CCNH: variants seen among roughly 807,000 people sequenced by gnomAD.
The protein encoded by CCNH is cyclin H.
CCNH carries 31 observed loss-of-function variants against 41.9 expected under a neutral mutation model. The ratio of observed to expected loss-of-function variants is 0.74; its 90% CI spans 0.56 to 1.00. The LOEUF (loss-of-function observed/expected upper bound fraction) is 1.00, where lower values mean the gene tolerates loss of function less well. CCNH is among the 50% of genes least tolerant of loss of function. The pLI is 0.00. For missense variants in CCNH, 362 were observed against 388.4 expected (o/e 0.93, Z 0.57); for synonymous variants, 138 against 136.1 (o/e 1.01, Z -0.10).
At chr5:87,355,222 A>G (rs1759561748) in intron 9 of CCNH, among the ~76,000 whole-genome samples, 1 of 152,206 alleles carries the variant, frequency 6.6e-6, no homozygotes. Context: ...AATATTATCT[A>G]GGACTTTCAT....
chr5:87,399,327 T>C, intron 7 of CCNH, 67 bp downstream of exon 7: 3 of 1,166,988 alleles, frequency 2.6e-6, no homozygotes, highest in Non-Finnish European at 3.8e-6. Flanking sequence ...ACCAATAAAA[T>C]GATTTACGAA....
At chr5:87,322,708 C>T (rs1756919682) in intron 9 of CCNH, among the ~76,000 whole-genome samples, 1 of 152,180 alleles carries the variant, frequency 6.6e-6, no homozygotes, top group South Asian at 2.1e-4. Flanking sequence ...TTACCAATTA[C>T]CCAGTCTCAA....
upstream of CCNH, among the ~76,000 whole-genome samples, chr5:87,379,022 G>C (rs1761524065): frequency 6.6e-6 from 1 of 152,114 alleles, no homozygotes; most frequent in Non-Finnish European, 1.5e-5. Context: ...AAGACAGTAA[G>C]TGGAATCTCA....
rs1761353822 is a variant in CCNH, at chr5:87,376,747, A to G, written n.434T>C. 6.6e-6 allele frequency: 8 copies of G among 1,213,508 alleles called. No homozygotes were observed. The South Asian group carries it at 7.2e-5, about 11-fold the overall frequency. 75.2% of individuals were successfully genotyped at this position (1,213,508 alleles called of 1,614,324 possible). ...AATAAGTAGACTACGAATTCATTCT[A>G]TTTTAAATAAATTTATTCAATGGGA... On this transcript the variant is annotated non_coding_transcript_exon_variant, in exon 1 of 1. Transcript: ENST00000607486.
downstream of CCNH, chr5:87,376,160 CA>C: frequency 1.8e-6 from 1 of 562,272 alleles, no homozygotes; most frequent in African/African-American, 1.9e-5. Flanking sequence ...GACCTCTATG[CA>C]ACTCAAAGAA....
chr5:87,316,336 A>G (rs1756335535), downstream of CCNH, among the ~76,000 whole-genome samples: 1 of 152,202 alleles, frequency 6.6e-6, no homozygotes, highest in Non-Finnish European at 1.5e-5. Flanking sequence ...AAAAAATGGG[A>G]AAAATAGCTG....
downstream of CCNH, chr5:87,391,043 AAC>A: frequency 1.3e-6 from 1 of 748,526 alleles, no homozygotes; most frequent in Non-Finnish European, 2.4e-6. Flanking sequence ...GCTGGTGAAT[AAC>A]TATGCCAGCA....
intron 9 of CCNH, among the ~76,000 whole-genome samples, chr5:87,329,523 T>C (rs929344843): frequency 3.9e-5 from 6 of 152,174 alleles, no homozygotes; most frequent in African/African-American, 1.4e-4. Context: ...ATATTTCTTA[T>C]AAAGTAGTAA....
At position 87,362,800 on chromosome 5, in the gene CCNH, C is replaced by T; in HGVS notation, c.*90+29970G>A. 4 of 1,004,168 alleles carry T rather than the reference C, an allele frequency of 4.0e-6. No individual in the cohort carries two copies. In the South Asian group the frequency reaches 4.7e-5, roughly 12 times the overall value. 62.2% of individuals were successfully genotyped at this position (1,004,168 alleles called of 1,614,324 possible). On this transcript the variant is annotated intron_variant and NMD_transcript_variant, in intron 9 of 9. Coordinates refer to the CCNH transcript ENST00000645953. ...TAGTAATTGACACTTGTTTAGAGCCCATATATAAGCATTCTTCAAAATTTA... is the reference window on the plus strand; with the variant it reads ...TAGTAATTGACACTTGTTTAGAGCCTATATATAAGCATTCTTCAAAATTTA...
chr5:87,318,912 A>G (rs992854966), intron 9 of CCNH: 2 of 152,270 alleles, frequency 1.3e-5, no homozygotes, highest in Non-Finnish European at 2.9e-5. Flanking sequence ...AAAATAAAAA[A>G]CAAGTTAGTT....
intron 5 of CCNH, 135 bp downstream of exon 5, chr5:87,404,709 A>C (rs1763656129): frequency 1.5e-6 from 1 of 682,398 alleles, no homozygotes. Context: ...AGATTTCCTC[A>C]AAAGGCAATT....
chr5:87,406,154 C>T (rs3093799), intron 4 of CCNH, among the ~76,000 whole-genome samples: 1,815 of 152,260 alleles, frequency 0.012, 28 homozygotes, highest in African/African-American at 0.041. Context: ...AATCCTGAGG[C>T]ATAACAGTAT....
chr5:87,399,323 A>G (rs1251508016), intron 7 of CCNH, 71 bp downstream of exon 7: 4 of 1,129,396 alleles, frequency 3.5e-6, no homozygotes, highest in Admixed American at 3.5e-5. Context: ...AAACACCAAT[A>G]AAATGATTTA....
intron 9 of CCNH, among the ~76,000 whole-genome samples, chr5:87,336,669 A>C (rs1036457388): frequency 4.6e-5 from 7 of 152,116 alleles, no homozygotes; most frequent in African/African-American, 1.7e-4. Flanking sequence ...TGAAATTAGA[A>C]ATATCTCTTA....
intron 9 of CCNH, among the ~76,000 whole-genome samples, chr5:87,344,533 A>T (rs950755652): frequency 6.6e-6 from 1 of 151,876 alleles, no homozygotes; most frequent in East Asian, 1.9e-4. Context: ...TGTTTTAGAG[A>T]TAGGTTCTTG....
chr5:87,392,262 A>C, downstream of CCNH: 1 of 456,060 alleles, frequency 2.2e-6, no homozygotes, highest in Non-Finnish European at 4.4e-6. Flanking sequence ...AATGTATAAA[A>C]TACAGGAAAA....
intron 9 of CCNH, among the ~76,000 whole-genome samples, chr5:87,344,227 G>A (rs916302364): frequency 6.6e-6 from 1 of 152,114 alleles, no homozygotes; most frequent in Non-Finnish European, 1.5e-5. Context: ...TGTGCTTGAG[G>A]TGATGGATAC....
chr5:87,374,259 G>C (rs148984998), downstream of CCNH: 11 of 1,602,326 alleles, frequency 6.9e-6, no homozygotes, highest in Non-Finnish European at 9.4e-6. Flanking sequence ...TAGTGTCCAA[G>C]TAGCAAAAAC....
chr5:87,392,873 T>C (rs971999432), downstream of CCNH: 1 of 153,366 alleles, frequency 6.5e-6, no homozygotes, highest in Non-Finnish European at 1.5e-5. Context: ...GTGATAAGTG[T>C]GGACCTTGCT....
Sources: allele counts gnomAD v4.1 joint callset (sites outside exome capture counted in the v4.1 genomes callset), GRCh38; gene constraint gnomAD v4.1.1; transcripts MANE v1.5; gene names NCBI Gene and HGNC (gene_info 2026-07-23, HGNC 2026-07-21).